CSMD1: variants seen among roughly 807,000 people sequenced by gnomAD.
CSMD1 encodes the protein CUB and Sushi multiple domains 1.
Under a neutral mutation model 417.5 loss-of-function variants are expected in CSMD1, and 213 were observed. The observed-to-expected ratio is 0.51, with a 90% CI of 0.46 to 0.57. The LOEUF (loss-of-function observed/expected upper bound fraction) is 0.57. Among genes scored for constraint, CSMD1 ranks in the 20% least tolerant of loss-of-function variants. The pLI is 0.00. For missense variants in CSMD1, 6,923 were observed against 4,529.7 expected, an observed-to-expected ratio of 1.53 and a Z score of -15.17; for synonymous variants, 2,862 against 1,736.8, an observed-to-expected ratio of 1.65 and a Z score of -16.11.
chr8:4,713,102 T>C (rs899028923), intron 1 of CSMD1, among the ~76,000 whole-genome samples: 1 of 152,330 alleles, frequency 6.6e-6, no homozygotes, highest in African/African-American at 2.4e-5. Context: ...ACCATTAAAG[T>C]CATTCATTTG....
At position 3,301,616 on chromosome 8, in the gene CSMD1, G is replaced by T. The variant is rs190831205; in HGVS notation, c.3950+6079C>A. 3.9e-5 allele frequency among the ~76,000 whole-genome samples: 6 copies of T among 152,312 alleles called. No homozygotes were observed. In the East Asian group the frequency reaches 1.2e-3, roughly 29 times the overall value. Reference sequence around the variant, plus strand: ...CAGTGTGTGTAAAGAGAGCACCACAGTAGCACAGGCTATGATCAGAGATCA... The same window carrying T: ...CAGTGTGTGTAAAGAGAGCACCACATTAGCACAGGCTATGATCAGAGATCA... On this transcript the variant is annotated intron_variant, in intron 25 of 69. Coordinates refer to ENST00000635120, the MANE Select transcript of CSMD1 (RefSeq NM_033225.6).
chr8:3,654,730 G>C (rs1351521044), intron 7 of CSMD1, among the ~76,000 whole-genome samples: 1 of 152,204 alleles, frequency 6.6e-6, no homozygotes, highest in Non-Finnish European at 1.5e-5. Context: ...ATCTCTGCAG[G>C]TGATGAAGTG....
At chr8:4,408,888 G>C (rs901691237) in intron 3 of CSMD1, among the ~76,000 whole-genome samples, 2 of 152,150 alleles carry the variant, frequency 1.3e-5, no homozygotes, top group African/African-American at 4.8e-5. Flanking sequence ...ATCCTTGTTT[G>C]ATAGTAAACC....
At position 4,063,826 on chromosome 8, in the gene CSMD1, G is replaced by A. The variant is rs560203805; in HGVS notation, c.416-31727C>T. 3.3e-5 allele frequency among the ~76,000 whole-genome samples: 5 copies of A among 152,138 alleles called. No individual in the cohort carries two copies. The South Asian group carries it at 8.3e-4, about 25-fold the overall frequency. ...TCTATCTGAGAGCACTTTGAATGTG[G>A]TAAGAAGGAACCAGGAGTAGACTAT... On this transcript the variant is annotated intron_variant, in intron 3 of 69. Transcript: ENST00000635120.
chr8:4,409,350 TCTC>T (rs1796518469), intron 3 of CSMD1, among the ~76,000 whole-genome samples: 3 of 152,162 alleles, frequency 2.0e-5, no homozygotes, highest in Admixed American at 1.3e-4. Flanking sequence ...TCTCACATCT[TCTC>T]CTCGAATTGC....
intron 5 of CSMD1, among the ~76,000 whole-genome samples, chr8:3,905,212 T>C (rs950386591): frequency 6.6e-6 from 1 of 152,334 alleles, no homozygotes; most frequent in Non-Finnish European, 1.5e-5. Context: ...TAATATTTTT[T>C]CTGCATAATA....
At chr8:4,434,959 T>A (rs534985026) in intron 2 of CSMD1, among the ~76,000 whole-genome samples, 1 of 152,142 alleles carries the variant, frequency 6.6e-6, no homozygotes, top group Non-Finnish European at 1.5e-5. Flanking sequence ...TTATTTCCTA[T>A]AGAAAAAATG....
chr8:3,755,223 C>T (rs186936782), intron 5 of CSMD1, among the ~76,000 whole-genome samples: 11 of 152,284 alleles, frequency 7.2e-5, no homozygotes, highest in Admixed American at 2.6e-4. Context: ...TACAGGATTG[C>T]GTGCTGGCTC....
chr8:4,401,592 C>A (rs537808701), intron 3 of CSMD1, among the ~76,000 whole-genome samples: 1 of 152,118 alleles, frequency 6.6e-6, no homozygotes, highest in African/African-American at 2.4e-5. Flanking sequence ...ATCATGTCCT[C>A]CATCCCTGTC....
At chr8:3,780,151 A>G (rs530628381) in intron 5 of CSMD1, among the ~76,000 whole-genome samples, 1 of 152,370 alleles carries the variant, frequency 6.6e-6, no homozygotes, top group East Asian at 1.9e-4. Flanking sequence ...GGGGTGAAAC[A>G]TAGTATGCAC....
intron 5 of CSMD1, among the ~76,000 whole-genome samples, chr8:3,882,638 C>G (rs1180157063): frequency 2.0e-5 from 3 of 152,032 alleles, no homozygotes; most frequent in African/African-American, 7.3e-5. Flanking sequence ...ATGTAATTGC[C>G]CTCAGGGATA....
At chr8:3,552,247 A>G (rs1266585260) in intron 10 of CSMD1, among the ~76,000 whole-genome samples, 1 of 152,212 alleles carries the variant, frequency 6.6e-6, no homozygotes, top group Non-Finnish European at 1.5e-5. Flanking sequence ...ATTACAAAAA[A>G]GTGTATCGAC....
At chr8:4,759,911 T>A (rs1438487809) in intron 1 of CSMD1, among the ~76,000 whole-genome samples, 1 of 152,228 alleles carries the variant, frequency 6.6e-6, no homozygotes, top group South Asian at 2.1e-4. Context: ...GACTTATATT[T>A]CTTTGGGTAT....
At chr8:4,978,690 C>G (rs965755947) in intron 1 of CSMD1, among the ~76,000 whole-genome samples, 13 of 152,142 alleles carry the variant, frequency 8.5e-5, no homozygotes, top group African/African-American at 2.7e-4. Context: ...GTAATCCCAG[C>G]ACTTTGGGAG....
rs574826560 is a variant in CSMD1, at chr8:3,269,385, A to G, written c.4153+14759T>C. 1.2e-4 allele frequency among the ~76,000 whole-genome samples: 18 copies of G among 152,360 alleles called. 1 individual carries two copies. In the South Asian group the frequency reaches 3.7e-3, roughly 32 times the overall value. On this transcript the variant is annotated intron_variant, in intron 26 of 69. Coordinates refer to ENST00000635120, the MANE Select transcript of CSMD1 (RefSeq NM_033225.6). ...ATAGGCAGAGAAACTTGGACCATCAACCACACAGGCTTACGGCTGGTTTTC... is the reference window on the plus strand; with the variant it reads ...ATAGGCAGAGAAACTTGGACCATCAGCCACACAGGCTTACGGCTGGTTTTC...
At chr8:3,594,558 C>T (rs1435730855) in intron 8 of CSMD1, among the ~76,000 whole-genome samples, 1 of 152,166 alleles carries the variant, frequency 6.6e-6, no homozygotes, top group Non-Finnish European at 1.5e-5. Context: ...TTTCCATTAC[C>T]ATGGAGGCTA....
intron 39 of CSMD1, 110 bp from the exon 40 acceptor site, chr8:3,151,623 A>C (rs1819202037): frequency 7.4e-6 from 5 of 673,392 alleles, no homozygotes; most frequent in Non-Finnish European, 1.0e-5. Context: ...CTTCGGAGTT[A>C]ATTCTGCCCC....
intron 9 of CSMD1, among the ~76,000 whole-genome samples, chr8:3,585,000 G>C (rs1234067499): frequency 6.6e-6 from 1 of 152,182 alleles, no homozygotes; most frequent in African/African-American, 2.4e-5. Context: ...CTGGACCAGA[G>C]ATTGCTGACT....
At chr8:4,546,958 T>G (rs1797665977) in intron 2 of CSMD1, among the ~76,000 whole-genome samples, 2 of 152,102 alleles carry the variant, frequency 1.3e-5, no homozygotes, top group Admixed American at 1.3e-4. Flanking sequence ...ATAGCCTCAT[T>G]CACGTACATG....
Sources: allele counts gnomAD v4.1 joint callset (sites outside exome capture counted in the v4.1 genomes callset), GRCh38; gene constraint gnomAD v4.1.1; transcripts MANE v1.5; gene names NCBI Gene and HGNC (gene_info 2026-07-23, HGNC 2026-07-21).